Variants in ANO6 observed in about 807,000 individuals in gnomAD.
ANO6 encodes anoctamin 6.
A neutral mutation model predicts 117.5 loss-of-function variants in ANO6; 106 were observed. The ratio of observed to expected loss-of-function variants is 0.90; its 90% CI spans 0.77 to 1.06. The LOEUF is 1.06. ANO6 is among the 50% of genes least tolerant of loss of function. The probability of loss-of-function intolerance (pLI) is 0.00; values close to 1 mark genes in which losing one functional copy is unlikely to be tolerated. For synonymous variants in ANO6, 367 were observed against 385.1 expected (o/e 0.95, Z 0.55); for missense variants, 955 against 1,121.1 (o/e 0.85, Z 2.12).
intron 6 of ANO6, among the ~76,000 whole-genome samples, chr12:45,349,966 G>A (rs1469699537): frequency 3.9e-5 from 6 of 152,174 alleles, no homozygotes; most frequent in African/African-American, 1.4e-4. Context: ...CAGTGGTCCT[G>A]TATTCAGGCT....
intron 15 of ANO6, among the ~76,000 whole-genome samples, chr12:45,406,524 A>T (rs1305215015): frequency 6.6e-6 from 1 of 152,122 alleles, no homozygotes; most frequent in African/African-American, 2.4e-5. Flanking sequence ...ATTTTCCTTT[A>T]TATACATTTA....
At chr12:45,338,583 T>C (rs1940891997) in intron 3 of ANO6, among the ~76,000 whole-genome samples, 1 of 152,110 alleles carries the variant, frequency 6.6e-6, no homozygotes, top group East Asian at 1.9e-4. Context: ...TATTTTAGAC[T>C]AAAGCAGGGA....
intron 1 of ANO6, among the ~76,000 whole-genome samples, chr12:45,222,865 G>A (rs745694483): frequency 2.4e-4 from 36 of 152,200 alleles, no homozygotes; most frequent in Non-Finnish European, 4.3e-4. Flanking sequence ...AGGCCTTGCT[G>A]GGTTTCCCCA....
intron 1 of ANO6, among the ~76,000 whole-genome samples, chr12:45,289,320 C>T (rs1939021299): frequency 6.6e-6 from 1 of 151,956 alleles, no homozygotes; most frequent in African/African-American, 2.4e-5. Context: ...GTGCCTGCCA[C>T]CACACCTGGC....
chr12:45,329,433 C>A (rs1940587964), intron 2 of ANO6, among the ~76,000 whole-genome samples: 1 of 152,086 alleles, frequency 6.6e-6, no homozygotes, highest in Non-Finnish European at 1.5e-5. Context: ...GTGAGGTTTT[C>A]CTCCAAATAA....
At chr12:45,287,794 GTCT>G (rs923105847) in intron 1 of ANO6, among the ~76,000 whole-genome samples, 13 of 152,108 alleles carry the variant, frequency 8.5e-5, no homozygotes, top group Non-Finnish European at 1.9e-4. Context: ...TGATGTGTTG[GTCT>G]TCTGTTCATT....
In ANO6 at chr12:45,216,177, C is replaced by A; in HGVS notation, c.-145C>A. On this transcript the variant is annotated 5_prime_UTR_variant, in exon 1 of 20. Transcript: ENST00000320560. ...GTGGGTGCCTCGGCTCGGCTTTCCCCGGCGCTGGCTGGGCTCAGCGGCCCC... is the reference window on the plus strand; with the variant it reads ...GTGGGTGCCTCGGCTCGGCTTTCCCAGGCGCTGGCTGGGCTCAGCGGCCCC... The A allele has an allele frequency of 1.1e-6, 1 of 936,230 alleles. No individual in the cohort carries two copies. Among genetic ancestry groups the A allele is most frequent in the Non-Finnish European group, 1.6e-6 (1 of 615,344 alleles). The allele number at this position is 936,230 out of a possible 1,614,324, so 58.0% of individuals were successfully genotyped here.
At chr12:45,390,385 C>T (rs1212237374) in intron 11 of ANO6, 36 bp from the exon 12 acceptor site, 1 of 1,471,858 alleles carries the variant, frequency 6.8e-7, no homozygotes, top group South Asian at 1.1e-5. Flanking sequence ...TACAGTAATC[C>T]CTTGATTGAC....
intron 1 of ANO6, among the ~76,000 whole-genome samples, chr12:45,225,183 CAAAAAAA>C (rs34523402): frequency 1.4e-5 from 1 of 73,450 alleles, no homozygotes; most frequent in African/African-American, 4.0e-5. Flanking sequence ...GACCCTGTCT[CAAAAAAA>C]AAAAAAAAAA....
intron 15 of ANO6, 86 bp from the exon 16 acceptor site, chr12:45,409,271 G>C: frequency 6.7e-7 from 1 of 1,502,916 alleles, no homozygotes; most frequent in Non-Finnish European, 9.2e-7. Context: ...AAGATTACTT[G>C]TGCAGCTTTG....
chr12:45,311,155 T>C (rs893300189), intron 2 of ANO6, among the ~76,000 whole-genome samples: 2 of 152,044 alleles, frequency 1.3e-5, no homozygotes, highest in Non-Finnish European at 2.9e-5. Context: ...GACAGCATGC[T>C]TATCTGGGCA....
At chr12:45,376,229 T>G (rs1942011697) in intron 9 of ANO6, among the ~76,000 whole-genome samples, 1 of 137,370 alleles carries the variant, frequency 7.3e-6, no homozygotes, top group African/African-American at 2.9e-5. Flanking sequence ...TGTGGAGAAA[T>G]AGGAACACTT....
chr12:45,346,981 T>G, intron 3 of ANO6, 41 bp from the exon 4 acceptor site: 1 of 1,600,432 alleles, frequency 6.2e-7, no homozygotes, highest in Non-Finnish European at 8.6e-7. Flanking sequence ...CTGCCTTTGG[T>G]AAACTAAAGG....
chr12:45,433,178 C>T (rs942862236), downstream of ANO6, among the ~76,000 whole-genome samples: 6 of 152,204 alleles, frequency 3.9e-5, no homozygotes, highest in African/African-American at 1.4e-4. Context: ...TAGTTAGCTA[C>T]CTACAGCTTC....
In ANO6 at chr12:45,401,867, A is replaced by G. The variant is rs200331398; in HGVS notation, c.1459A>G (p.Lys487Glu). 53 of 1,614,100 alleles carry G rather than the reference A, an allele frequency of 3.3e-5. No homozygotes were observed. The Middle Eastern group carries it at 1.6e-3, about 50-fold the overall frequency. The change falls in exon 13 of 20, where the codon AAA (lysine) becomes GAA (glutamate). Residue 487 changes from lysine to glutamate, a missense_variant. Lys to Glu is a moderately conservative substitution (Grantham distance 56, BLOSUM62 1). Coordinates refer to ENST00000320560, the MANE Select transcript of ANO6 (RefSeq NM_001025356.3). The part of the protein sequence containing the change: ...RLSVFIVFSA[K>E]LPKNINGTDP... Reference sequence around the variant, plus strand: ...CTCGGTGTTCATTGTATTTTCTGCAAAACTTCCCAAGAACATTAATGGAAC... The same window carrying G: ...CTCGGTGTTCATTGTATTTTCTGCAGAACTTCCCAAGAACATTAATGGAAC...
At chr12:45,260,878 G>C (rs1938004828) in intron 1 of ANO6, among the ~76,000 whole-genome samples, 1 of 152,016 alleles carries the variant, frequency 6.6e-6, no homozygotes, top group Non-Finnish European at 1.5e-5. Flanking sequence ...GCCTCAAACT[G>C]TTGGGCTCAA....
At chr12:45,255,818 GTTTTT>G (rs551517877) in intron 1 of ANO6, among the ~76,000 whole-genome samples, 3 of 81,692 alleles carry the variant, frequency 3.7e-5, no homozygotes, top group South Asian at 4.6e-4. Context: ...CTCCCTGGGT[GTTTTT>G]TTTTTTTTTT....
At chr12:45,340,651 G>A (rs1471440360) in intron 3 of ANO6, among the ~76,000 whole-genome samples, 2 of 151,994 alleles carry the variant, frequency 1.3e-5, no homozygotes, top group African/African-American at 2.4e-5. Flanking sequence ...GTGGCCTCAG[G>A]TATTCATTTA....
chr12:45,377,617 C>G (rs1256817817), intron 9 of ANO6, among the ~76,000 whole-genome samples: 1 of 152,182 alleles, frequency 6.6e-6, no homozygotes, highest in African/African-American at 2.4e-5. Context: ...GAAACTTACC[C>G]TCTGACCAGG....
Sources: allele counts gnomAD v4.1 joint callset (sites outside exome capture counted in the v4.1 genomes callset), GRCh38; gene constraint gnomAD v4.1.1; transcripts MANE v1.5; gene names NCBI Gene and HGNC (gene_info 2026-07-23, HGNC 2026-07-21).